NFIA: variants seen among roughly 807,000 people sequenced by gnomAD.
NFIA encodes nuclear factor 1 A-type.
Under a neutral mutation model 62.8 loss-of-function variants are expected in NFIA, and 8 were observed. That is an observed-to-expected ratio of 0.13 (90% CI 0.07 to 0.23). NFIA has a LOEUF of 0.23. NFIA is among the 10% of genes least tolerant of loss of function. The pLI is 1.00. For synonymous variants in NFIA, 235 were observed against 238.1 expected, an observed-to-expected ratio of 0.99 and a Z score of 0.12; for missense variants, 410 against 642.1, an observed-to-expected ratio of 0.64 and a Z score of 3.91.
At chr1:61,416,403 CT>C (rs887177864) in intron 9 of NFIA, among the ~76,000 whole-genome samples, 2 of 152,058 alleles carry the variant, frequency 1.3e-5, no homozygotes, top group African/African-American at 4.8e-5. Context: ...CTAACCTGAA[CT>C]TTTGGAGTGA....
intron 2 of NFIA, among the ~76,000 whole-genome samples, chr1:61,111,266 A>G (rs1017707989): frequency 3.9e-5 from 6 of 152,122 alleles, no homozygotes; most frequent in South Asian, 2.1e-4. Context: ...GATCTTTCCT[A>G]TAACAATAAC....
chr1:61,333,859 G>C (rs757264075), intron 4 of NFIA, among the ~76,000 whole-genome samples: 2 of 152,068 alleles, frequency 1.3e-5, no homozygotes, highest in East Asian at 3.9e-4. Flanking sequence ...GATTAGCTGG[G>C]CATGGTGGTG....
intron 2 of NFIA, among the ~76,000 whole-genome samples, chr1:61,242,382 A>G (rs1020470639): frequency 1.3e-5 from 2 of 152,114 alleles, no homozygotes; most frequent in Non-Finnish European, 1.5e-5. Context: ...TAGATAGAAG[A>G]AGCTGAGGAA....
chr1:61,354,466 A>T (rs374298821), intron 5 of NFIA, among the ~76,000 whole-genome samples: 2 of 152,206 alleles, frequency 1.3e-5, no homozygotes, highest in East Asian at 3.9e-4. Context: ...GCACCATATT[A>T]GGTGAGTTGT....
At chr1:61,198,655 C>T (rs1287760191) in intron 2 of NFIA, among the ~76,000 whole-genome samples, 2 of 152,142 alleles carry the variant, frequency 1.3e-5, no homozygotes, top group Non-Finnish European at 2.9e-5. Context: ...CGTCTGTATG[C>T]GACCGGAAGG....
intron 9 of NFIA, among the ~76,000 whole-genome samples, chr1:61,418,267 C>T (rs1236527028): frequency 2.0e-5 from 3 of 151,874 alleles, no homozygotes; most frequent in Admixed American, 2.0e-4. Flanking sequence ...AGTTCAAGAC[C>T]AGCCTGGGCA....
At chr1:61,181,405 A>G (rs1650753107) in intron 2 of NFIA, among the ~76,000 whole-genome samples, 3 of 152,238 alleles carry the variant, frequency 2.0e-5, no homozygotes, top group Admixed American at 6.5e-5. Flanking sequence ...TTTCCTAGTA[A>G]AGGGATGCAT....
rs1022761729 is a variant in NFIA at position 61,460,268 on chromosome 1, T to C, written c.*4948T>C. ...ATTAGCGTCGTGTATGTTTTCCTTT[T>C]ATTTTTTCCAATAAAAAAGCAGTGG... On this transcript the variant is annotated 3_prime_UTR_variant, in exon 11 of 11. Coordinates refer to ENST00000403491, the MANE Select transcript of NFIA (RefSeq NM_001134673.4). 3.3e-5 allele frequency: 5 copies of C among 152,244 alleles called. No individual in the cohort carries two copies. The highest frequency in any genetic ancestry group is 5.9e-5 in the Non-Finnish European group (4 of 68,036). The allele number at this position is 152,244 out of a possible 1,614,324, so 9.4% of individuals were successfully genotyped here.
intron 10 of NFIA, among the ~76,000 whole-genome samples, chr1:61,449,869 C>T (rs889891057): frequency 1.3e-5 from 2 of 152,192 alleles, no homozygotes; most frequent in Non-Finnish European, 1.5e-5. Context: ...GCATGACACC[C>T]TTTTCAGAAG....
At chr1:61,146,273 A>G (rs1647969699) in intron 2 of NFIA, among the ~76,000 whole-genome samples, 1 of 152,072 alleles carries the variant, frequency 6.6e-6, no homozygotes, top group Non-Finnish European at 1.5e-5. Flanking sequence ...CTTCAACTTG[A>G]TCACAGCTGC....
intron 3 of NFIA, among the ~76,000 whole-genome samples, chr1:61,313,939 T>C (rs1290307285): frequency 6.6e-6 from 1 of 152,154 alleles, no homozygotes; most frequent in Non-Finnish European, 1.5e-5. Context: ...ATCTGTAAAA[T>C]GAAATTATAA....
intron 2 of NFIA, among the ~76,000 whole-genome samples, chr1:61,264,821 T>TC (rs1285678196): frequency 6.6e-6 from 1 of 152,014 alleles, no homozygotes; most frequent in African/African-American, 2.4e-5. Flanking sequence ...TATTTTTATC[T>TC]CCCCCCAGTG....
At chr1:61,278,805 C>T (rs573840892) in intron 3 of NFIA, among the ~76,000 whole-genome samples, 17 of 151,578 alleles carry the variant, frequency 1.1e-4, no homozygotes, top group South Asian at 2.1e-4. Context: ...GGCGGGGCGG[C>T]GGAAGCTCAG....
intron 2 of NFIA, among the ~76,000 whole-genome samples, chr1:61,187,804 A>G (rs1055678525): frequency 1.1e-4 from 16 of 152,186 alleles, no homozygotes; most frequent in Non-Finnish European, 4.4e-5. Context: ...CCCTGCTGAA[A>G]ACCAGGGCAG....
rs1476416082 is a variant in NFIA at position 61,456,767 on chromosome 1, T to C, written c.*1447T>C. On this transcript the variant is annotated 3_prime_UTR_variant, in exon 11 of 11. Coordinates refer to ENST00000403491, the MANE Select transcript of NFIA (RefSeq NM_001134673.4). ...ACTTGTTAGGGAAAAAAAAAAAAGTTTGCACCCCCAAACGTCCTGTATCTT... is the reference window on the plus strand; with the variant it reads ...ACTTGTTAGGGAAAAAAAAAAAAGTCTGCACCCCCAAACGTCCTGTATCTT... The C allele has an allele frequency of 6.8e-6, 1 of 146,532 alleles. No homozygotes were observed. The highest frequency in any genetic ancestry group is 1.5e-5 in the Non-Finnish European group (1 of 66,762). 9.1% of individuals were successfully genotyped at this position (146,532 alleles called of 1,614,324 possible).
chr1:61,274,469 A>G (rs544544429), intron 2 of NFIA, among the ~76,000 whole-genome samples: 5 of 152,326 alleles, frequency 3.3e-5, no homozygotes, highest in African/African-American at 1.2e-4. Flanking sequence ...ATTGTAATAT[A>G]CAGATCTTCT....
At chr1:61,418,022 A>AT (rs1297844141) in intron 9 of NFIA, among the ~76,000 whole-genome samples, 1 of 152,202 alleles carries the variant, frequency 6.6e-6, no homozygotes, top group Non-Finnish European at 1.5e-5. Context: ...TAAGAGATCT[A>AT]ATGAATTCAA....
chr1:61,179,643 G>C (rs1229370413), intron 2 of NFIA, among the ~76,000 whole-genome samples: 1 of 152,072 alleles, frequency 6.6e-6, no homozygotes, highest in Non-Finnish European at 1.5e-5. Context: ...CTGCTATCTT[G>C]GCTCAAGAAG....
At chr1:61,357,325 C>G (rs544069078) in intron 5 of NFIA, among the ~76,000 whole-genome samples, 1 of 152,350 alleles carries the variant, frequency 6.6e-6, no homozygotes, top group South Asian at 2.1e-4. Flanking sequence ...TGGAATGCTC[C>G]TGATCTGCAA....
Sources: allele counts gnomAD v4.1 joint callset (sites outside exome capture counted in the v4.1 genomes callset), GRCh38; gene constraint gnomAD v4.1.1; transcripts MANE v1.5; gene names NCBI Gene and HGNC (gene_info 2026-07-23, HGNC 2026-07-21).